ANKS1B: variants seen among roughly 807,000 people sequenced by gnomAD.
ANKS1B encodes ankyrin repeat and sterile alpha motif domain containing 1B, also known as ankyrin repeat and sterile alpha motif domain-containing protein 1B.
ANKS1B carries 36 observed loss-of-function variants against 148.3 expected under a neutral mutation model. The ratio of observed to expected loss-of-function variants is 0.24; its 90% CI spans 0.19 to 0.32. ANKS1B has a LOEUF of 0.32. Ranked by LOEUF, ANKS1B falls within the 10% of genes least tolerant of loss-of-function variation. The pLI, the probability that ANKS1B is intolerant of heterozygous loss-of-function variation, is 1.00. For missense variants in ANKS1B, 1,157 were observed against 1,542.6 expected (o/e 0.75, Z 4.19); for synonymous variants, 542 against 560.8 (o/e 0.97, Z 0.47).
chr12:99,340,011 T>C (rs2089641461), intron 12 of ANKS1B, among the ~76,000 whole-genome samples: 1 of 152,182 alleles, frequency 6.6e-6, no homozygotes, highest in Admixed American at 6.6e-5. Flanking sequence ...TTTCCCATTG[T>C]TATGTATTAT....
intron 8 of ANKS1B, among the ~76,000 whole-genome samples, chr12:99,708,511 C>T (rs1244241197): frequency 6.6e-6 from 1 of 152,126 alleles, no homozygotes; most frequent in Non-Finnish European, 1.5e-5. Context: ...CAAGGGCTGC[C>T]TCCTCTAGAG....
chr12:98,759,179 C>G (rs1026967075), intron 25 of ANKS1B, among the ~76,000 whole-genome samples: 2 of 152,162 alleles, frequency 1.3e-5, no homozygotes, highest in Admixed American at 1.3e-4. Context: ...GGGATGCAAA[C>G]TCACTTTTCT....
At chr12:99,970,400 A>T (rs2095543843) in intron 1 of ANKS1B, among the ~76,000 whole-genome samples, 1 of 152,204 alleles carries the variant, frequency 6.6e-6, no homozygotes, top group Non-Finnish European at 1.5e-5. Context: ...GCTTTATCTG[A>T]TAACTACATT....
intron 8 of ANKS1B, among the ~76,000 whole-genome samples, chr12:99,696,920 G>T (rs956567743): frequency 3.3e-5 from 5 of 152,120 alleles, no homozygotes; most frequent in Admixed American, 3.3e-4. Context: ...ATGGGCAAAA[G>T]ATCTTAACAG....
intron 12 of ANKS1B, among the ~76,000 whole-genome samples, chr12:99,360,815 G>A (rs534661888): frequency 7.2e-5 from 11 of 152,086 alleles, no homozygotes; most frequent in Non-Finnish European, 1.0e-4. Flanking sequence ...AAGATTTTGC[G>A]GTTTACTGGA....
At chr12:99,921,074 T>A (rs1038201159) in intron 1 of ANKS1B, among the ~76,000 whole-genome samples, 1 of 152,138 alleles carries the variant, frequency 6.6e-6, no homozygotes, top group African/African-American at 2.4e-5. Context: ...TATCAGAGGC[T>A]TCAGTGGAAA....
chr12:99,114,567 C>T (rs1462221935), intron 15 of ANKS1B, among the ~76,000 whole-genome samples: 1 of 152,066 alleles, frequency 6.6e-6, no homozygotes, highest in African/African-American at 2.4e-5. Flanking sequence ...GCTTGGCCAA[C>T]ATATTGAAGC....
At chr12:99,468,649 CA>C (rs2096180099) in intron 10 of ANKS1B, among the ~76,000 whole-genome samples, 1 of 152,168 alleles carries the variant, frequency 6.6e-6, no homozygotes, top group Non-Finnish European at 1.5e-5. Flanking sequence ...AGACACTTCT[CA>C]AAAGAACACA....
intron 1 of ANKS1B, among the ~76,000 whole-genome samples, chr12:99,834,206 A>C (rs10507115): frequency 0.62 from 93,863 of 151,976 alleles, 30,499 homozygotes; most frequent in African/African-American, 0.77. Context: ...TAGATTAAAA[A>C]CTTGATTAAC....
intron 1 of ANKS1B, among the ~76,000 whole-genome samples, chr12:99,906,746 T>G (rs938121595): frequency 1.3e-5 from 2 of 152,258 alleles, no homozygotes; most frequent in Non-Finnish European, 2.9e-5. Context: ...TTTTAAAAAT[T>G]ATATTTTTGT....
intron 9 of ANKS1B, among the ~76,000 whole-genome samples, chr12:99,650,620 C>T (rs921348425): frequency 4.6e-5 from 7 of 152,196 alleles, no homozygotes; most frequent in South Asian, 2.1e-4. Flanking sequence ...AATCCCCTGA[C>T]GCTATTTAGA....
At chr12:99,916,968 A>C (rs71462294) in intron 1 of ANKS1B, among the ~76,000 whole-genome samples, 18,187 of 152,320 alleles carry the variant, frequency 0.12, 1,450 homozygotes, top group Middle Eastern at 0.18. Context: ...TTTTACAAAA[A>C]GATCACTCAT....
intron 8 of ANKS1B, among the ~76,000 whole-genome samples, chr12:99,768,588 G>A (rs1436296784): frequency 6.6e-6 from 1 of 152,070 alleles, no homozygotes; most frequent in Non-Finnish European, 1.5e-5. Flanking sequence ...AGCACTTTGG[G>A]AAGCCGAGGC....
chr12:99,772,036 AC>A (rs2063242440), intron 8 of ANKS1B, among the ~76,000 whole-genome samples: 1 of 152,160 alleles, frequency 6.6e-6, no homozygotes, highest in Non-Finnish European at 1.5e-5. Flanking sequence ...AAAAGTGACT[AC>A]AGATTTCTTA....
chr12:99,938,895 G>A (rs546765699), intron 1 of ANKS1B, among the ~76,000 whole-genome samples: 14 of 152,138 alleles, frequency 9.2e-5, no homozygotes, highest in East Asian at 1.9e-4. Flanking sequence ...AAGCGGCCCC[G>A]CAGACGCTGG....
rs2097840113 is a variant in ANKS1B, at chr12:98,744,445, T to A, written c.*1294A>T. The A allele has an allele frequency of 5.2e-6, 4 of 766,688 alleles. No individual in the cohort carries two copies. The highest frequency in any genetic ancestry group is 6.3e-6 in the Non-Finnish European group (4 of 630,326). The allele number at this position is 766,688 out of a possible 1,614,324, so 47.5% of individuals were successfully genotyped here. A position where few individuals can be genotyped will look rare whatever the true frequency, so the allele number is the denominator to read the frequency against. ...ATGAACTTCAAAATGATTCACAATA[T>A]GATTGTTAGAACAATATACATTAAA... On this transcript the variant is annotated 3_prime_UTR_variant, in exon 27 of 27. Transcript: ENST00000683438.
chr12:99,885,628 C>T (rs2092786702), intron 1 of ANKS1B, among the ~76,000 whole-genome samples: 1 of 151,878 alleles, frequency 6.6e-6, no homozygotes, highest in South Asian at 2.1e-4. Context: ...AGAGCTTAGG[C>T]GTACAAGTAG....
chr12:99,114,330 G>A (rs567288254), intron 15 of ANKS1B, among the ~76,000 whole-genome samples: 2 of 152,290 alleles, frequency 1.3e-5, no homozygotes, highest in East Asian at 1.9e-4. Flanking sequence ...TAGCCCAGAG[G>A]CTAATCATGA....
chr12:99,776,099 G>C (rs115491047), intron 6 of ANKS1B, among the ~76,000 whole-genome samples: 2 of 152,168 alleles, frequency 1.3e-5, no homozygotes, highest in Admixed American at 1.3e-4. Context: ...TAACATAAAC[G>C]AATGAAATGG....
Sources: gnomAD v4.1 joint callset for allele counts (sites outside exome capture counted in the v4.1 genomes callset) on GRCh38, gnomAD v4.1.1 for gene constraint, MANE v1.5 for transcripts, NCBI Gene and HGNC (gene_info 2026-07-23, HGNC 2026-07-21) for gene names.